Variants in TDRD7 observed in about 807,000 individuals in gnomAD.
The protein encoded by TDRD7 is tudor domain-containing protein 7.
A neutral mutation model predicts 109.8 loss-of-function variants in TDRD7; 47 were observed. The observed-to-expected ratio is 0.43, with a 90% CI of 0.34 to 0.55. The LOEUF (loss-of-function observed/expected upper bound fraction) is 0.55. Ranked by LOEUF, TDRD7 falls within the 20% of genes least tolerant of loss-of-function variation. The probability of loss-of-function intolerance (pLI) is 0.03; values close to 1 mark genes in which losing one functional copy is unlikely to be tolerated. For synonymous variants in TDRD7, 424 were observed against 457.3 expected, an observed-to-expected ratio of 0.93 and a Z score of 0.93; for missense variants, 1,164 against 1,319.2, an observed-to-expected ratio of 0.88 and a Z score of 1.82.
At chr9:97,428,193 A>C (rs1276410937) in intron 1 of TDRD7, among the ~76,000 whole-genome samples, 9 of 152,102 alleles carry the variant, frequency 5.9e-5, no homozygotes, top group African/African-American at 2.2e-4. Flanking sequence ...CTTGCTCTTC[A>C]GGACTCCATT....
chr9:97,447,037 T>C (rs1391255172), intron 6 of TDRD7, among the ~76,000 whole-genome samples: 1 of 152,212 alleles, frequency 6.6e-6, no homozygotes, highest in Non-Finnish European at 1.5e-5. Context: ...TTCCATTTTT[T>C]CACCAGTGAA....
At chr9:97,428,730 G>A in intron 2 of TDRD7, 58 bp downstream of exon 2, 1 of 1,515,342 alleles carries the variant, frequency 6.6e-7, no homozygotes, top group Non-Finnish European at 9.1e-7. Context: ...TGCCTCTCTG[G>A]CACTTCCAAT....
rs765300189 is a variant in TDRD7 at position 97,432,087 on chromosome 9, C to T, written c.412C>T (p.Pro138Ser). Residue 138 changes from proline (P) to serine (S), a missense_variant, in exon 4 of 17, where the codon CCT (proline) becomes TCT (serine). By Grantham distance (74) the Pro-to-Ser change is moderately conservative. This residue lies in a region of TDRD7 where 407 missense variants were observed against 394.0 expected (regional missense o/e 1.03). Coordinates refer to ENST00000355295, the MANE Select transcript of TDRD7 (RefSeq NM_014290.3). The part of the protein sequence containing the change: ...FASNFSVGKK[P>S]NPAPLRDKGN... Reference sequence around the variant, plus strand: ...TTCAAATTTTTCTGTTGGCAAAAAACCTAATCCAGCACCGTTAAGAGACAA... The same window carrying T: ...TTCAAATTTTTCTGTTGGCAAAAAATCTAATCCAGCACCGTTAAGAGACAA... 1.2e-6 allele frequency: 2 copies of T among 1,613,850 alleles called. No homozygotes were observed. Among genetic ancestry groups the T allele is most frequent in the African/African-American group, 1.3e-5 (1 of 75,000 alleles).
chr9:97,423,506 ATC>A (rs1226303230), intron 1 of TDRD7, among the ~76,000 whole-genome samples: 1 of 150,378 alleles, frequency 6.6e-6, no homozygotes, highest in Non-Finnish European at 1.5e-5. Flanking sequence ...TTCATTATTG[ATC>A]TGTTTCATCA....
At chr9:97,415,774 C>T (rs1245721069) in intron 1 of TDRD7, among the ~76,000 whole-genome samples, 2 of 152,304 alleles carry the variant, frequency 1.3e-5, no homozygotes, top group Non-Finnish European at 1.5e-5. Flanking sequence ...GTTGAAATTC[C>T]TATGATATAC....
At chr9:97,415,209 G>A (rs185976639) in intron 1 of TDRD7, among the ~76,000 whole-genome samples, 13 of 152,330 alleles carry the variant, frequency 8.5e-5, no homozygotes, top group African/African-American at 2.6e-4. Flanking sequence ...GAAAAATGTA[G>A]TAAGGAAGAT....
chr9:97,423,566 A>C (rs116193626), intron 1 of TDRD7, among the ~76,000 whole-genome samples: 11,093 of 152,020 alleles, frequency 0.073, 647 homozygotes, highest in African/African-American at 0.16. Flanking sequence ...TCTTCTGCTT[A>C]CTTTTGATAT....
At chr9:97,462,861 G>T (rs1356018017) in intron 7 of TDRD7, among the ~76,000 whole-genome samples, 1 of 152,208 alleles carries the variant, frequency 6.6e-6, no homozygotes, top group Non-Finnish European at 1.5e-5. Flanking sequence ...GCTGCCTGCA[G>T]ATCCCAAGCC....
chr9:97,421,358 G>GT (rs887636144), intron 1 of TDRD7, among the ~76,000 whole-genome samples: 5 of 151,928 alleles, frequency 3.3e-5, no homozygotes, highest in Admixed American at 6.6e-5. Context: ...CTTTTCATGT[G>GT]TTTTTTTGCC....
At position 97,460,409 on chromosome 9, in the gene TDRD7, A is replaced by G. The variant is rs1828691449; in HGVS notation, c.1087A>G (p.Lys363Glu). The G allele has an allele frequency of 6.2e-7, 1 of 1,614,216 alleles. No individual in the cohort carries two copies. The highest frequency in any genetic ancestry group is 2.2e-5 in the East Asian group (1 of 44,858). ...TSGLWASALP[K>E]AFEEMYKVKF... ...TGGCCTTTGGGCCAGTGCACTTCCGAAAGCATTTGAGGAAATGTACAAAGT... is the reference window on the plus strand; with the variant it reads ...TGGCCTTTGGGCCAGTGCACTTCCGGAAGCATTTGAGGAAATGTACAAAGT... Residue 363 changes from lysine (K) to glutamate (E), a missense_variant, in exon 7 of 17, where the codon AAA (lysine) becomes GAA (glutamate). By Grantham distance (56) the Lys-to-Glu change is moderately conservative (BLOSUM62 1). This residue lies in a region of TDRD7 where 407 missense variants were observed against 394.0 expected (regional missense o/e 1.03). Transcript: ENST00000355295.
chr9:97,479,298 C>T (rs907555561), intron 13 of TDRD7, among the ~76,000 whole-genome samples: 3 of 152,060 alleles, frequency 2.0e-5, no homozygotes, highest in Admixed American at 6.5e-5. Flanking sequence ...TTTTTCTAGC[C>T]GTGACTATTA....
intron 16 of TDRD7, among the ~76,000 whole-genome samples, chr9:97,492,865 G>A (rs926344726): frequency 8.5e-5 from 13 of 152,178 alleles, no homozygotes; most frequent in East Asian, 3.8e-4. Flanking sequence ...TATATGTGGC[G>A]GAGAGTATGT....
In TDRD7 at chr9:97,473,493, T is replaced by C; in HGVS notation, c.1946T>C (p.Val649Ala). The change falls in exon 11 of 17, where the codon GTT becomes GCT. Residue 649 changes from valine to alanine, a missense_variant and splice_region_variant. By Grantham distance (64) the Val-to-Ala change is moderately conservative. Coordinates refer to ENST00000355295, the MANE Select transcript of TDRD7 (RefSeq NM_014290.3). ...CDKSLEVHLQ[V>A]DAMYTNVKVT... ...CGAGGTATCCTTTGTCTGTTATAGGTTGACGCCATGTACACAAATGTCAAA... is the reference window on the plus strand; with the variant it reads ...CGAGGTATCCTTTGTCTGTTATAGGCTGACGCCATGTACACAAATGTCAAA... 1 of 1,613,584 alleles carries C rather than the reference T, an allele frequency of 6.2e-7. No individual in the cohort carries two copies.
intron 1 of TDRD7, among the ~76,000 whole-genome samples, chr9:97,415,992 C>G (rs528061260): frequency 6.6e-6 from 1 of 152,240 alleles, no homozygotes; most frequent in South Asian, 2.1e-4. Context: ...AAAGCTTACA[C>G]TTTCTTTTTC....
intron 1 of TDRD7, among the ~76,000 whole-genome samples, chr9:97,424,049 C>CTTTTTTTTTTTTTTTTTTTTTTTTTTTTT (rs56369544): frequency 2.0e-5 from 1 of 48,866 alleles, no homozygotes; most frequent in Non-Finnish European, 3.4e-5. Context: ...CTTTTATATT[C>CTTTTTTTTTTTTTTTTTTTTTTTTTTTTT]TTTTTTTTTT....
intron 4 of TDRD7, among the ~76,000 whole-genome samples, chr9:97,438,062 C>G (rs934574586): frequency 2.0e-5 from 3 of 152,140 alleles, no homozygotes; most frequent in Admixed American, 6.6e-5. Flanking sequence ...TCTACTGGAG[C>G]CTTCGATGCT....
chr9:97,441,522 A>G (rs1828304600), intron 5 of TDRD7, 136 bp from the exon 6 acceptor site: 1 of 742,526 alleles, frequency 1.3e-6, no homozygotes, highest in African/African-American at 1.8e-5. Flanking sequence ...GCTCTGCCTA[A>G]TCCTGCTCCC....
intron 8 of TDRD7, among the ~76,000 whole-genome samples, chr9:97,468,577 G>A (rs1186391060): frequency 6.6e-6 from 1 of 152,220 alleles, no homozygotes; most frequent in Non-Finnish European, 1.5e-5. Context: ...CAGCTACTTA[G>A]CACCAGTCTT....
intron 13 of TDRD7, 104 bp downstream of exon 13, chr9:97,478,677 A>C (rs779226512): frequency 5.2e-6 from 8 of 1,529,188 alleles, no homozygotes; most frequent in Non-Finnish European, 7.2e-6. Context: ...ATTTTTAAGA[A>C]AATTGGAAAT....
Sources: gnomAD v4.1 joint callset for allele counts (sites outside exome capture counted in the v4.1 genomes callset) on GRCh38, gnomAD v4.1.1 for gene constraint, gnomAD v4.1.1 regional missense constraint, MANE v1.5 for transcripts, NCBI Gene and HGNC (gene_info 2026-07-23, HGNC 2026-07-21) for gene names.